POLN: variants seen among roughly 807,000 people sequenced by gnomAD.
POLN encodes DNA polymerase N.
A neutral mutation model predicts 113.5 loss-of-function variants in POLN; 108 were observed. That is an observed-to-expected ratio of 0.95 (90% CI 0.81 to 1.12). POLN has a LOEUF of 1.12. Among genes scored for constraint, POLN ranks in the 50% most tolerant of loss-of-function variants. The pLI is 0.00. For synonymous variants in POLN, 386 were observed against 391.5 expected (o/e 0.99, Z 0.17); for missense variants, 1,097 against 1,077.1 (o/e 1.02, Z -0.26).
chr4:2,083,380 C>T (rs1730475258), intron 21 of POLN, among the ~76,000 whole-genome samples: 1 of 152,218 alleles, frequency 6.6e-6, no homozygotes, highest in South Asian at 2.1e-4. Flanking sequence ...GGACTCAACT[C>T]ATTTGCCTCT....
Position 2,157,445 on chromosome 4 carries a change from G to A in POLN, c.1665+413C>T, listed in dbSNP as rs190447027. 3.9e-5 allele frequency among the ~76,000 whole-genome samples: 6 copies of A among 152,188 alleles called. No homozygotes were observed. In the East Asian group the frequency reaches 5.8e-4, roughly 15 times the overall value. Reference sequence around the variant, plus strand: ...AGTTTCAAGAATATTAGATTATTTCGGCTGGGTGAGGTAGCTCACGCCTGT... The same window carrying A: ...AGTTTCAAGAATATTAGATTATTTCAGCTGGGTGAGGTAGCTCACGCCTGT... On this transcript the variant is annotated intron_variant, in intron 15 of 25. Coordinates refer to ENST00000511885, the MANE Select transcript of POLN (RefSeq NM_181808.4).
chr4:2,136,463 T>TG (rs1436485766), intron 16 of POLN, among the ~76,000 whole-genome samples: 2 of 152,224 alleles, frequency 1.3e-5, no homozygotes, highest in East Asian at 3.8e-4. Flanking sequence ...GCCATGTGGA[T>TG]GGGGCACATC....
At chr4:2,179,548 C>T (rs1049400870) in intron 7 of POLN, 83 bp from the exon 8 acceptor site, 6 of 1,306,582 alleles carry the variant, frequency 4.6e-6, no homozygotes, top group Admixed American at 3.9e-5. Context: ...TAAGTTCAAA[C>T]GAATAGTAGT....
At chr4:2,189,894 G>C (rs1194104831) in intron 7 of POLN, among the ~76,000 whole-genome samples, 1 of 151,520 alleles carries the variant, frequency 6.6e-6, no homozygotes, top group African/African-American at 2.4e-5. Context: ...GTGTGGTGGC[G>C]AGTGCCTATA....
At chr4:2,130,233 G>A (rs980001375) in intron 17 of POLN, among the ~76,000 whole-genome samples, 10 of 144,404 alleles carry the variant, frequency 6.9e-5, no homozygotes, top group South Asian at 2.3e-4. Flanking sequence ...GCAACAGAGC[G>A]AGACTCTGTC....
chr4:2,072,132 C>G lies in POLN; in HGVS notation c.2685G>C (p.Ser895=). The stretch of plus-strand genomic sequence containing the variant: ...CCTGGGGCTACAGACAAAATGAAGG[C>G]GAAAAATGCAGGGGTGGGGGCTGGG... ...ASTQPPPLHF[S]PSFCL is the part of the protein sequence containing the mutation. Residue 895 remains serine (S), a synonymous_variant, in exon 26 of 26, where the codon TCG becomes TCC. Transcript: ENST00000511885. The G allele has an allele frequency of 6.2e-7, 1 of 1,611,922 alleles. No homozygotes were observed. Among genetic ancestry groups the G allele is most frequent in the Non-Finnish European group, 8.5e-7 (1 of 1,179,576 alleles).
intron 19 of POLN, among the ~76,000 whole-genome samples, chr4:2,112,041 T>C (rs1452225864): frequency 2.2e-4 from 34 of 152,146 alleles, no homozygotes; most frequent in Admixed American, 2.2e-3. Context: ...AACAGAGATA[T>C]AGACCAATGG....
intron 19 of POLN, among the ~76,000 whole-genome samples, chr4:2,097,971 A>G (rs913079181): frequency 1.3e-5 from 2 of 152,266 alleles, no homozygotes; most frequent in Non-Finnish European, 2.9e-5. Flanking sequence ...CTGACATCCC[A>G]GACTTCACTG....
At chr4:2,094,398 C>T (rs190673101) in intron 20 of POLN, among the ~76,000 whole-genome samples, 41 of 107,896 alleles carry the variant, frequency 3.8e-4, no homozygotes, top group African/African-American at 1.4e-3. Flanking sequence ...CAGAAGCCAA[C>T]AAAGTGGATC....
intron 20 of POLN, among the ~76,000 whole-genome samples, chr4:2,094,220 G>A (rs1458439022): frequency 1.3e-5 from 2 of 151,968 alleles, no homozygotes; most frequent in African/African-American, 4.8e-5. Flanking sequence ...GGTGGCAGGT[G>A]CCTGTCACCC....
intron 23 of POLN, chr4:2,079,450 T>C (rs1358954941): frequency 7.1e-6 from 7 of 985,410 alleles, no homozygotes; most frequent in African/African-American, 1.7e-5. Flanking sequence ...TATATGCGTA[T>C]ATGTGTGTGC....
chr4:2,234,481 G>T (rs373124955), intron 2 of POLN: 10 of 153,672 alleles, frequency 6.5e-5, no homozygotes, highest in Middle Eastern at 1.8e-3. Flanking sequence ...ACAAAGGCAC[G>T]TTTCCTGGGA....
chr4:2,153,434 T>A (rs533795221), intron 16 of POLN, among the ~76,000 whole-genome samples: 1 of 152,260 alleles, frequency 6.6e-6, no homozygotes, highest in South Asian at 2.1e-4. Flanking sequence ...CTTATGTAAA[T>A]GTGTGTGTGC....
At chr4:2,112,330 G>A (rs993384295) in intron 19 of POLN, among the ~76,000 whole-genome samples, 34 of 152,202 alleles carry the variant, frequency 2.2e-4, no homozygotes, top group South Asian at 8.3e-4. Flanking sequence ...GCATGGGCAA[G>A]GACTTCATGT....
chr4:2,189,012 G>C (rs1444898384), intron 7 of POLN, among the ~76,000 whole-genome samples: 3 of 151,632 alleles, frequency 2.0e-5, no homozygotes, highest in African/African-American at 7.3e-5. Context: ...TTTTTTGTAA[G>C]GCTCCTTTTT....
At chr4:2,171,203 T>C in intron 11 of POLN, 22 bp from the exon 12 acceptor site, 4 of 1,571,198 alleles carry the variant, frequency 2.5e-6, no homozygotes, top group Non-Finnish European at 3.5e-6. Flanking sequence ...ATACACACAA[T>C]TAATTTCATT....
intron 13 of POLN, among the ~76,000 whole-genome samples, chr4:2,169,910 C>T (rs1732817671): frequency 6.6e-6 from 1 of 152,194 alleles, no homozygotes; most frequent in Non-Finnish European, 1.5e-5. Context: ...TCCATTAAAC[C>T]AGCAAAGGCC....
In POLN at chr4:2,134,519, TTTTG is replaced by T. The variant is rs36043791; in HGVS notation, c.1732-3233_1732-3230del. On this transcript the variant is annotated intron_variant, in intron 16 of 25. Coordinates refer to ENST00000511885, the MANE Select transcript of POLN (RefSeq NM_181808.4). ...CCCTCACCAATTAATAATGTAAGGT[TTTTG>T]TTTGTTTGTTTGTTTTGCTTTTTGA... Among the ~76,000 whole-genome samples, 1,124 of 152,292 alleles carry T rather than the reference TTTTG, an allele frequency of 7.4e-3. 13 individuals carry two copies. Among genetic ancestry groups the T allele is most frequent in the African/African-American group, 0.022 (915 of 41,558 alleles).
chr4:2,098,776 A>G (rs1294143179), intron 19 of POLN, among the ~76,000 whole-genome samples: 2 of 152,272 alleles, frequency 1.3e-5, no homozygotes, highest in Non-Finnish European at 2.9e-5. Context: ...TTTAATAGCC[A>G]TTCTCCAGTA....
Sources: gnomAD v4.1 joint callset for allele counts (sites outside exome capture counted in the v4.1 genomes callset) on GRCh38, gnomAD v4.1.1 for gene constraint, MANE v1.5 for transcripts, NCBI Gene and HGNC (gene_info 2026-07-23, HGNC 2026-07-21) for gene names.